Variants in KLF17 observed in about 807,000 individuals in gnomAD.
KLF17 encodes Krueppel-like factor 17.
Under a neutral mutation model 34.2 loss-of-function variants are expected in KLF17, and 31 were observed. The ratio of observed to expected loss-of-function variants is 0.91; its 90% CI spans 0.68 to 1.22. The LOEUF (loss-of-function observed/expected upper bound fraction) is 1.22, where lower values mean the gene tolerates loss of function less well. KLF17 is among the 50% of genes most tolerant of loss of function. The pLI is 0.00. For synonymous variants in KLF17, 179 were observed against 186.7 expected, an observed-to-expected ratio of 0.96 and a Z score of 0.34; for missense variants, 478 against 505.2, an observed-to-expected ratio of 0.95 and a Z score of 0.52.
the KLF17 span, among the ~76,000 whole-genome samples, chr1:44,109,630 T>G: frequency 5.7e-3 from 866 of 152,308 alleles, 11 homozygotes; most frequent in African/African-American, 0.02. Context: ...TTTGTTTTCT[T>G]ATGGAGAAAA....
chr1:44,083,320 G>T, the KLF17 span, among the ~76,000 whole-genome samples: 1 of 151,082 alleles, frequency 6.6e-6, no homozygotes, highest in Admixed American at 6.6e-5. Flanking sequence ...ATTGTTAATT[G>T]CTTAAGTTTT....
At chr1:44,068,347 G>A in the KLF17 span, among the ~76,000 whole-genome samples, 2 of 152,132 alleles carry the variant, frequency 1.3e-5, no homozygotes, top group African/African-American at 4.8e-5. Flanking sequence ...TCCAGTTTCT[G>A]GGTCCTGAGC....
At chr1:44,127,720 T>TC (rs2088041970) in intron 1 of KLF17, among the ~76,000 whole-genome samples, 1 of 140,730 alleles carries the variant, frequency 7.1e-6, no homozygotes, top group African/African-American at 2.9e-5. Context: ...TTCTTCTCTT[T>TC]TCTTTCTTTC....
chr1:44,093,052 C>G, the KLF17 span, among the ~76,000 whole-genome samples: 1 of 151,884 alleles, frequency 6.6e-6, no homozygotes, highest in Non-Finnish European at 1.5e-5. Flanking sequence ...AGAATAAATT[C>G]AAGTGGAAAT....
At chr1:44,116,118 G>C (rs565989732), upstream of KLF17, among the ~76,000 whole-genome samples, 4 of 152,276 alleles carry the variant, frequency 2.6e-5, no homozygotes, top group South Asian at 4.1e-4. Flanking sequence ...CATGTTGGGA[G>C]AAACACTAGG....
At chr1:44,091,927 AC>A in the KLF17 span, among the ~76,000 whole-genome samples, 3 of 141,692 alleles carry the variant, frequency 2.1e-5, no homozygotes, top group Non-Finnish European at 4.6e-5. Flanking sequence ...AAAAAAAAAA[AC>A]CCAAAAAACA....
chr1:44,130,939 G>A (rs1340910030), intron 3 of KLF17, among the ~76,000 whole-genome samples, 183 bp downstream of exon 3: 1 of 152,208 alleles, frequency 6.6e-6, no homozygotes, highest in Non-Finnish European at 1.5e-5. Flanking sequence ...AGGACTACAG[G>A]CACGTGCCAC....
At chr1:44,130,908 G>C in intron 3 of KLF17, 152 bp downstream of exon 3, 1 of 738,770 alleles carries the variant, frequency 1.4e-6, no homozygotes, top group Non-Finnish European at 2.2e-6. Flanking sequence ...TGATTTTCCT[G>C]CCTCAGCCTC....
the KLF17 span, among the ~76,000 whole-genome samples, chr1:44,079,175 T>C: frequency 6.6e-6 from 1 of 152,166 alleles, no homozygotes; most frequent in East Asian, 1.9e-4. Context: ...CTCCTTTCCT[T>C]GGTACTCTGC....
chr1:44,071,990 T>TG, the KLF17 span, among the ~76,000 whole-genome samples: 61 of 151,578 alleles, frequency 4.0e-4, no homozygotes, highest in African/African-American at 1.4e-3. Flanking sequence ...CTGTTTTTTT[T>TG]TGGGGGGGGA....
chr1:44,073,356 G>C, the KLF17 span, among the ~76,000 whole-genome samples: 72 of 151,908 alleles, frequency 4.7e-4, no homozygotes, highest in Non-Finnish European at 8.8e-4. Context: ...TCAGGTGCCT[G>C]CCATCACACC....
the KLF17 span, among the ~76,000 whole-genome samples, chr1:44,089,721 C>T: frequency 1.3e-5 from 2 of 152,178 alleles, no homozygotes; most frequent in African/African-American, 2.4e-5. Flanking sequence ...CTGTCCAAAT[C>T]GGAATCGCTT....
At chr1:44,103,137 T>C in the KLF17 span, among the ~76,000 whole-genome samples, 2 of 152,224 alleles carry the variant, frequency 1.3e-5, no homozygotes, top group Admixed American at 1.3e-4. Context: ...GCTGGAGACA[T>C]GGGCAAGGGG....
the KLF17 span, among the ~76,000 whole-genome samples, chr1:44,067,001 T>G: frequency 2.6e-5 from 4 of 152,204 alleles, no homozygotes; most frequent in African/African-American, 9.6e-5. Flanking sequence ...TCTCAAATAG[T>G]GGTTACCTCT....
At chr1:44,106,029 G>A in the KLF17 span, among the ~76,000 whole-genome samples, 1 of 152,106 alleles carries the variant, frequency 6.6e-6, no homozygotes, top group Non-Finnish European at 1.5e-5. Flanking sequence ...GGGAGGAAGA[G>A]AGAGAGGGAA....
chr1:44,125,986 C>G (rs1176794441), intron 1 of KLF17, among the ~76,000 whole-genome samples: 2 of 151,476 alleles, frequency 1.3e-5, no homozygotes, highest in Admixed American at 1.3e-4. Context: ...TATAGATTCC[C>G]TAATAGTTGG....
chr1:44,092,603 A>G, the KLF17 span, among the ~76,000 whole-genome samples: 12 of 152,072 alleles, frequency 7.9e-5, no homozygotes, highest in Non-Finnish European at 1.8e-4. Flanking sequence ...CTTCAGGCAA[A>G]CATTTGAGGA....
chr1:44,081,166 C>T, the KLF17 span, among the ~76,000 whole-genome samples: 1 of 145,518 alleles, frequency 6.9e-6, no homozygotes, highest in Non-Finnish European at 1.5e-5. Flanking sequence ...GCAGAGGTTG[C>T]AGTGAGCCAA....
At chr1:44,125,473 C>T (rs374855338) in intron 1 of KLF17, among the ~76,000 whole-genome samples, 6 of 152,066 alleles carry the variant, frequency 3.9e-5, no homozygotes, top group African/African-American at 1.2e-4. Flanking sequence ...CCTGGGCTTT[C>T]GACAGTTTTA....
Sources: gnomAD v4.1 joint callset for allele counts (sites outside exome capture counted in the v4.1 genomes callset) on GRCh38, gnomAD v4.1.1 for gene constraint, MANE v1.5 for transcripts, NCBI Gene and HGNC (gene_info 2026-07-23, HGNC 2026-07-21) for gene names.